Variants in TMEM38B observed in about 807,000 individuals in gnomAD.
TMEM38B encodes trimeric intracellular cation channel type B.
Under a neutral mutation model 28.7 loss-of-function variants are expected in TMEM38B, and 24 were observed. The ratio of observed to expected loss-of-function variants is 0.84; its 90% CI spans 0.61 to 1.18. The LOEUF (loss-of-function observed/expected upper bound fraction) is 1.18, where lower values mean the gene tolerates loss of function less well. Among genes scored for constraint, TMEM38B ranks in the 50% most tolerant of loss-of-function variants. The pLI is 0.00. For synonymous variants in TMEM38B, 131 were observed against 127.7 expected (o/e 1.03, Z -0.17); for missense variants, 380 against 350.9 (o/e 1.08, Z -0.66).
In TMEM38B at chr9:105,697,597, T is replaced by C. The variant is rs544469746; in HGVS notation, c.112+2825T>C. On this transcript the variant is annotated intron_variant, in intron 1 of 5. Coordinates refer to ENST00000374692, the MANE Select transcript of TMEM38B (RefSeq NM_018112.3). ...TAATTTTTTTTTGTCCATTTTCTTA[T>C]TGGGCTGTAGGTTATTGTCTTCTAT... 5.8e-4 allele frequency among the ~76,000 whole-genome samples: 89 copies of C among 152,292 alleles called. 1 individual carries two copies. Among genetic ancestry groups the C allele is most frequent in the African/African-American group, 2.1e-3 (88 of 41,578 alleles).
intron 5 of TMEM38B, among the ~76,000 whole-genome samples, chr9:105,748,766 A>G (rs1037597210): frequency 6.6e-6 from 1 of 152,126 alleles, no homozygotes; most frequent in African/African-American, 2.4e-5. Context: ...AGAGGATTGG[A>G]GAGGATGCAT....
rs888990261 is a variant in TMEM38B, at chr9:105,718,295, A to G, written c.270-3242A>G. ...CTCTTGTTGCCTAGGCTGGAGTGCA[A>G]TGGCACGATCTCAGCTCACTGCAAC... is the stretch of plus-strand genomic sequence containing the variant. On this transcript the variant is annotated intron_variant, in intron 2 of 5. Transcript: ENST00000374692. Among the ~76,000 whole-genome samples the G allele has an allele frequency of 1.1e-4, 17 of 150,874 alleles. No individual in the cohort carries two copies. The East Asian group carries it at 2.9e-3, about 26-fold the overall frequency.
intron 2 of TMEM38B, among the ~76,000 whole-genome samples, chr9:105,713,508 C>T (rs1299077690): frequency 6.6e-6 from 1 of 152,220 alleles, no homozygotes; most frequent in East Asian, 1.9e-4. Flanking sequence ...CCCCTGCCAC[C>T]TTGGCCCCCT....
Position 105,776,333 on chromosome 9 carries a change from A to G in TMEM38B, c.*2253A>G, listed in dbSNP as rs1048461034. 20 of 152,190 alleles carry G rather than the reference A, an allele frequency of 1.3e-4. No homozygotes were observed. Among genetic ancestry groups the G allele is most frequent in the African/African-American group, 3.9e-4 (16 of 41,460 alleles). 9.4% of individuals were successfully genotyped at this position (152,190 alleles called of 1,614,324 possible). A position where few individuals can be genotyped will look rare whatever the true frequency, so the allele number is the denominator to read the frequency against. On this transcript the variant is annotated 3_prime_UTR_variant, in exon 6 of 6. Transcript: ENST00000374692. ...ACTCTTCCTTACTGAGGGAGTATCA[A>G]GTAAGGGCTGGAGAGAGACCAGATA...
intron 4 of TMEM38B, among the ~76,000 whole-genome samples, chr9:105,742,685 T>A (rs560171607): frequency 5.2e-4 from 79 of 152,148 alleles, no homozygotes; most frequent in Non-Finnish European, 1.0e-3. Flanking sequence ...TTCCTTAGAC[T>A]CAACCCTTAA....
intron 5 of TMEM38B, chr9:105,759,916 A>G (rs1330325637): frequency 2.1e-5 from 34 of 1,596,542 alleles, no homozygotes; most frequent in South Asian, 7.8e-5. Flanking sequence ...TGAAATGATC[A>G]TGAAACCAAA....
chr9:105,751,392 C>G (rs1296372802), intron 5 of TMEM38B, among the ~76,000 whole-genome samples: 1 of 152,178 alleles, frequency 6.6e-6, no homozygotes, highest in Non-Finnish European at 1.5e-5. Flanking sequence ...TCAGGAAATC[C>G]CATCGTGAGC....
At chr9:105,754,527 T>C (rs1837767446) in intron 5 of TMEM38B, among the ~76,000 whole-genome samples, 1 of 152,148 alleles carries the variant, frequency 6.6e-6, no homozygotes, top group African/African-American at 2.4e-5. Flanking sequence ...CCTGAACGAC[T>C]CTTGGGTAAT....
chr9:105,768,876 G>A (rs1192310879), intron 5 of TMEM38B, among the ~76,000 whole-genome samples: 4 of 152,000 alleles, frequency 2.6e-5, no homozygotes, highest in Non-Finnish European at 5.9e-5. Context: ...TGGTTTTTCT[G>A]TTTTAGATTT....
At chr9:105,760,318 G>A in intron 5 of TMEM38B, 1 of 776,114 alleles carries the variant, frequency 1.3e-6, no homozygotes, top group South Asian at 1.4e-5. Flanking sequence ...TAAGCTTCTG[G>A]CTGGAAGATT....
chr9:105,770,538 GT>G (rs1010258071), intron 5 of TMEM38B, among the ~76,000 whole-genome samples: 1 of 150,754 alleles, frequency 6.6e-6, no homozygotes, highest in Non-Finnish European at 1.5e-5. Flanking sequence ...ATTCACCTAG[GT>G]TTTTTTTTAC....
chr9:105,699,484 C>T (rs929669645), intron 1 of TMEM38B, among the ~76,000 whole-genome samples: 1 of 152,174 alleles, frequency 6.6e-6, no homozygotes, highest in East Asian at 1.9e-4. Flanking sequence ...CGTACTTTCC[C>T]ACCATTTATA....
intron 5 of TMEM38B, among the ~76,000 whole-genome samples, chr9:105,755,442 G>C (rs974937690): frequency 6.6e-6 from 1 of 151,980 alleles, no homozygotes; most frequent in Admixed American, 6.6e-5. Flanking sequence ...CATGTACCCC[G>C]ATGTTAAATA....
intron 5 of TMEM38B, chr9:105,760,256 T>TA (rs1837991934): frequency 2.5e-6 from 2 of 803,840 alleles, no homozygotes; most frequent in Non-Finnish European, 4.5e-6. Flanking sequence ...TCACCGATGA[T>TA]ACATACCTTT....
intron 5 of TMEM38B, among the ~76,000 whole-genome samples, chr9:105,763,616 G>A (rs1838149077): frequency 1.3e-5 from 2 of 152,136 alleles, no homozygotes; most frequent in South Asian, 4.1e-4. Flanking sequence ...AAGAGTCCAG[G>A]ACCAGACAGA....
chr9:105,722,350 A>C (rs1337073466), intron 3 of TMEM38B, among the ~76,000 whole-genome samples, 184 bp from the exon 4 acceptor site: 1 of 152,202 alleles, frequency 6.6e-6, no homozygotes, highest in African/African-American at 2.4e-5. Context: ...ATGCTGGTGA[A>C]AGGGAAGAAT....
chr9:105,731,188 T>C (rs1836728199), intron 4 of TMEM38B, among the ~76,000 whole-genome samples: 1 of 152,098 alleles, frequency 6.6e-6, no homozygotes, highest in Non-Finnish European at 1.5e-5. Flanking sequence ...TCCTGCTTTC[T>C]CTTGTGGGCA....
intron 5 of TMEM38B, chr9:105,760,366 C>T (rs2133638103): frequency 1.3e-6 from 1 of 763,276 alleles, no homozygotes; most frequent in East Asian, 2.4e-5. Flanking sequence ...GGAAATTCTT[C>T]AAGTACCAAC....
chr9:105,727,002 C>G (rs1359984976), intron 4 of TMEM38B, among the ~76,000 whole-genome samples: 4 of 152,096 alleles, frequency 2.6e-5, no homozygotes, highest in African/African-American at 9.6e-5. Flanking sequence ...TTTTCATAGA[C>G]TACTGAGAAC....
Sources: allele counts gnomAD v4.1 joint callset (sites outside exome capture counted in the v4.1 genomes callset), GRCh38; gene constraint gnomAD v4.1.1; transcripts MANE v1.5; gene names NCBI Gene and HGNC (gene_info 2026-07-23, HGNC 2026-07-21).